The following CCDC7 variants were observed in gnomAD, a reference collection of about 807,000 sequenced individuals.
CCDC7 encodes coiled-coil domain containing 7, also known as coiled-coil domain-containing protein 7.
CCDC7 carries 183 observed loss-of-function variants against 196.9 expected under a neutral mutation model. The observed-to-expected ratio is 0.93, with a 90% CI of 0.82 to 1.05. CCDC7 has a LOEUF of 1.05. CCDC7 is among the 50% of genes least tolerant of loss of function. The pLI is 0.00. For synonymous variants in CCDC7, 525 were observed against 484.6 expected (o/e 1.08, Z -1.10); for missense variants, 1,540 against 1,482.2 (o/e 1.04, Z -0.64).
intron 20 of CCDC7, among the ~76,000 whole-genome samples, chr10:32,635,726 TAC>T (rs2065522427): frequency 6.6e-6 from 1 of 152,074 alleles, no homozygotes; most frequent in African/African-American, 2.4e-5. Flanking sequence ...ATTTGCATGA[TAC>T]ATTTTATATT....
At chr10:32,743,896 C>T (rs774477224) in intron 28 of CCDC7, among the ~76,000 whole-genome samples, 1 of 149,618 alleles carries the variant, frequency 6.7e-6, no homozygotes, top group African/African-American at 2.5e-5. Flanking sequence ...GGACAAAAAA[C>T]CAAACACCGC....
chr10:32,586,633 T>A (rs2059307594), intron 18 of CCDC7, among the ~76,000 whole-genome samples: 1 of 152,192 alleles, frequency 6.6e-6, no homozygotes. Context: ...AAATAGGGAA[T>A]CCTTTCCCTA....
chr10:32,689,264 T>A lies in CCDC7; in HGVS notation c.2344+101T>A, dbSNP rs148951025. 4.3e-6 allele frequency: 3 copies of A among 696,184 alleles called. No homozygotes were observed. The East Asian group carries it at 8.6e-5, about 20-fold the overall frequency. The allele number at this position is 696,184 out of a possible 1,614,324, so 43.1% of individuals were successfully genotyped here. On this transcript the variant is annotated intron_variant, in intron 23 of 41. Transcript: ENST00000639629. ...CAAAAGTTTTACACTTTGACTAAAA[T>A]GTGAATACCCTACCATAATTAAAGA...
In CCDC7 at chr10:32,851,795, A is replaced by T; in HGVS notation, c.3896-12A>T. ...CTATTGTATGGCTAACATATTTTCC[A>T]AATTTTTCTAGAGGAAACTTATGAG... On this transcript the variant is annotated splice_polypyrimidine_tract_variant and intron_variant, in intron 39 of 41. Coordinates refer to ENST00000639629, the Ensembl canonical transcript of CCDC7. 6.2e-7 allele frequency: 1 copy of T among 1,606,272 alleles called. No individual in the cohort carries two copies. Among genetic ancestry groups the T allele is most frequent in the Non-Finnish European group, 8.5e-7 (1 of 1,177,300 alleles).
chr10:32,557,439 A>G (rs964554830), intron 13 of CCDC7, among the ~76,000 whole-genome samples: 5 of 151,958 alleles, frequency 3.3e-5, no homozygotes, highest in African/African-American at 1.2e-4. Context: ...TATTTTGTCT[A>G]CCACTTCCTC....
At chr10:32,493,400 A>G (rs1421935168) in intron 9 of CCDC7, among the ~76,000 whole-genome samples, 3 of 150,020 alleles carry the variant, frequency 2.0e-5, no homozygotes, top group Non-Finnish European at 4.4e-5. Context: ...ATATCTGTAT[A>G]TATATATCTT....
chr10:32,881,766 C>T, downstream of CCDC7, among the ~76,000 whole-genome samples: 1 of 152,040 alleles, frequency 6.6e-6, no homozygotes, highest in East Asian at 1.9e-4. Context: ...GCATACTTTG[C>T]TTGCAAAGAG....
At chr10:32,569,559 T>C (rs2057304585) in intron 15 of CCDC7, among the ~76,000 whole-genome samples, 1 of 152,136 alleles carries the variant, frequency 6.6e-6, no homozygotes, top group Non-Finnish European at 1.5e-5. Flanking sequence ...GCCAAGTAGC[T>C]GAGATTACAG....
At chr10:32,522,546 C>T (rs2048028818) in intron 11 of CCDC7, among the ~76,000 whole-genome samples, 1 of 151,766 alleles carries the variant, frequency 6.6e-6, no homozygotes, top group South Asian at 2.1e-4. Context: ...TTATTTATTT[C>T]AGTCTTTCTC....
At chr10:32,587,106 A>G (rs915020419) in intron 18 of CCDC7, among the ~76,000 whole-genome samples, 4 of 152,208 alleles carry the variant, frequency 2.6e-5, no homozygotes, top group African/African-American at 9.7e-5. Flanking sequence ...TAAGTATACA[A>G]TTCAGTGGCG....
upstream of CCDC7, among the ~76,000 whole-genome samples, chr10:32,447,856 G>T (rs2031806697): frequency 6.6e-6 from 1 of 152,104 alleles, no homozygotes; most frequent in Non-Finnish European, 1.5e-5. Flanking sequence ...GAGCAAGATT[G>T]TGCCATTGTA....
At chr10:32,680,777 T>C (rs994231702) in intron 21 of CCDC7, among the ~76,000 whole-genome samples, 2 of 152,288 alleles carry the variant, frequency 1.3e-5, no homozygotes, top group South Asian at 2.1e-4. Flanking sequence ...TGTACTTCTT[T>C]CCCATCTCCC....
chr10:32,530,273 T>C lies in CCDC7; in HGVS notation c.993+11768T>C, dbSNP rs185491360. On this transcript the variant is annotated intron_variant, in intron 11 of 41. Transcript: ENST00000639629. Reference sequence around the variant, plus strand: ...ATGTGGGCTCTTTTTTCATTCCACATGAATTTTAGGATTGTTTTTTCTAGT... The same window carrying C: ...ATGTGGGCTCTTTTTTCATTCCACACGAATTTTAGGATTGTTTTTTCTAGT... 1.8e-4 allele frequency among the ~76,000 whole-genome samples: 28 copies of C among 152,316 alleles called. 1 individual carries two copies. Among genetic ancestry groups the C allele is most frequent in the Admixed American group, 1.6e-3 (25 of 15,298 alleles).
rs758482468 is a variant in CCDC7, at chr10:32,685,951, ATG to A, written c.2123-17_2123-16del. On this transcript the variant is annotated splice_polypyrimidine_tract_variant and intron_variant, in intron 21 of 41. Coordinates refer to ENST00000639629, the Ensembl canonical transcript of CCDC7. ...TCCATTTTTCTATTTAGTGGAATAA[ATG>A]TATTTTCTTTATGTAGCTCATAATG... 4 of 1,218,596 alleles carry A rather than the reference ATG, an allele frequency of 3.3e-6. No homozygotes were observed. The African/African-American group carries it at 4.6e-5, about 14-fold the overall frequency. 75.5% of individuals were successfully genotyped at this position (1,218,596 alleles called of 1,614,324 possible).
chr10:32,594,065 G>GT (rs1423081462), intron 18 of CCDC7, among the ~76,000 whole-genome samples: 3 of 152,158 alleles, frequency 2.0e-5, no homozygotes, highest in African/African-American at 4.8e-5. Flanking sequence ...CTTTAAAGTA[G>GT]TTTTTTCCAA....
At chr10:32,585,143 G>A (rs1252362262) in intron 18 of CCDC7, among the ~76,000 whole-genome samples, 9 of 150,782 alleles carry the variant, frequency 6.0e-5, no homozygotes, top group Non-Finnish European at 8.9e-5. Context: ...GCATGATCTC[G>A]GCTCACTGCA....
intron 33 of CCDC7, among the ~76,000 whole-genome samples, chr10:32,835,345 T>A (rs57188110): frequency 2.0e-5 from 3 of 152,186 alleles, no homozygotes; most frequent in African/African-American, 7.2e-5. Context: ...TGCTTATATT[T>A]AGGATAGTTA....
At chr10:32,488,804 G>A (rs904386159) in intron 8 of CCDC7, among the ~76,000 whole-genome samples, 9 of 152,196 alleles carry the variant, frequency 5.9e-5, no homozygotes, top group African/African-American at 2.2e-4. Flanking sequence ...GTCAGATATT[G>A]ATAGAGTCAC....
At chr10:32,712,243 A>G (rs185342245) in intron 25 of CCDC7, among the ~76,000 whole-genome samples, 2 of 152,302 alleles carry the variant, frequency 1.3e-5, no homozygotes, top group East Asian at 3.9e-4. Flanking sequence ...TGTGGCTTGA[A>G]TGTGAGCATG....
Sources: allele counts gnomAD v4.1 joint callset (sites outside exome capture counted in the v4.1 genomes callset), GRCh38; gene constraint gnomAD v4.1.1; transcripts MANE v1.5; gene names NCBI Gene and HGNC (gene_info 2026-07-23, HGNC 2026-07-21).